Variants in PCGF3 observed in about 807,000 individuals in gnomAD.
PCGF3 encodes polycomb group RING finger protein 3.
In PCGF3, 7 loss-of-function variants were observed where a neutral mutation model predicts 33.1. The ratio of observed to expected loss-of-function variants is 0.21; its 90% confidence interval spans 0.12 to 0.40. PCGF3 has a LOEUF of 0.40. PCGF3 is among the 10% of genes least tolerant of loss of function. The pLI is 1.00. For missense variants in PCGF3, 211 were observed against 313.3 expected (o/e 0.67, Z 2.46); for synonymous variants, 153 against 121.3 (o/e 1.26, Z -1.72).
chr4:709,353 A>T (rs552970918), intron 1 of PCGF3, among the ~76,000 whole-genome samples: 47 of 152,096 alleles, frequency 3.1e-4, no homozygotes, highest in African/African-American at 1.1e-3. Context: ...ATGATGCATG[A>T]ACAAATGAAT....
chr4:742,838 G>T (rs12643640), intron 6 of PCGF3, among the ~76,000 whole-genome samples: 34,451 of 152,134 alleles, frequency 0.23, 4,561 homozygotes, highest in Admixed American at 0.34. Context: ...CAGGCAACGG[G>T]GTGCCAGAGC....
At position 766,085 on chromosome 4, in the gene PCGF3, G is replaced by A. The variant is rs200755246; in HGVS notation, c.*6G>A. On this transcript the variant is annotated 3_prime_UTR_variant, in exon 11 of 11. Transcript: ENST00000362003. ...CCAAGATGGACTTGCTGTGAATGGT[G>A]CCACACAGCGCCCACAGACTGGGCC... The A allele has an allele frequency of 1.1e-5, 17 of 1,613,202 alleles. No individual in the cohort carries two copies. In the South Asian group the frequency reaches 1.6e-4, roughly 16 times the overall value.
intron 6 of PCGF3, among the ~76,000 whole-genome samples, chr4:737,857 C>G (rs2152579497): frequency 6.6e-6 from 1 of 152,382 alleles, no homozygotes; most frequent in East Asian, 1.9e-4. Flanking sequence ...CCTGCCTCCC[C>G]TCATCCCACA....
intron 5 of PCGF3, among the ~76,000 whole-genome samples, chr4:735,952 G>C (rs139429587): frequency 1.3e-5 from 2 of 152,248 alleles, no homozygotes; most frequent in Non-Finnish European, 2.9e-5. Flanking sequence ...AATGCTCCCC[G>C]TACCATGAGG....
chr4:763,080 T>A lies in PCGF3; in HGVS notation c.600+1664T>A, dbSNP rs116903643. 7.9e-3 allele frequency among the ~76,000 whole-genome samples: 1,197 copies of A among 150,908 alleles called. 20 individuals are homozygous for A. Among genetic ancestry groups the A allele is most frequent in the East Asian group, 0.042 (214 of 5,120 alleles). Reference sequence around the variant, plus strand: ...CGGGGATACGGACAGCACACCGGGGTTGGGGAGACTCACTGAGCACGGGCT... The same window carrying A: ...CGGGGATACGGACAGCACACCGGGGATGGGGAGACTCACTGAGCACGGGCT... On this transcript the variant is annotated intron_variant, in intron 9 of 10. Coordinates refer to ENST00000362003, the Ensembl canonical transcript of PCGF3.
rs1743058605 is a variant in PCGF3, at chr4:721,096, G to T, written c.-189-9534G>T. Among the ~76,000 whole-genome samples, 1 of 152,070 alleles carries T rather than the reference G, an allele frequency of 6.6e-6. No homozygotes were observed. Among genetic ancestry groups the T allele is most frequent in the African/African-American group, 2.4e-5 (1 of 41,404 alleles). On this transcript the variant is annotated intron_variant, in intron 1 of 10. Coordinates refer to ENST00000362003, the Ensembl canonical transcript of PCGF3. This position sits in a 1 kb window ranked among gnomAD's most constrained non-coding sequence, Gnocchi z 4.1. ...CTGGGCTGGGCACCCATGAGGCTGA[G>T]GACCCTGGGGAGGGAACGCTGCTTG...
At chr4:758,406 G>A (rs1305272610) in intron 8 of PCGF3, among the ~76,000 whole-genome samples, 44 of 123,760 alleles carry the variant, frequency 3.6e-4, no homozygotes, top group Middle Eastern at 5.3e-3. Flanking sequence ...TCCGGACTCC[G>A]GGTCTTTCTC....
intron 1 of PCGF3, among the ~76,000 whole-genome samples, chr4:713,740 C>A (rs1252289203): frequency 7.2e-5 from 11 of 152,112 alleles, no homozygotes. Context: ...TCTGAGGCGG[C>A]ATGAGTATGA....
At chr4:718,781 C>A (rs1301250041) in intron 1 of PCGF3, among the ~76,000 whole-genome samples, 1 of 152,140 alleles carries the variant, frequency 6.6e-6, no homozygotes, top group Non-Finnish European at 1.5e-5. Context: ...GCTTTGTGGC[C>A]ACGGTAGGGG....
intron 6 of PCGF3, among the ~76,000 whole-genome samples, chr4:742,471 A>G (rs1361669274): frequency 6.6e-6 from 1 of 152,210 alleles, no homozygotes; most frequent in Non-Finnish European, 1.5e-5. Flanking sequence ...GTTACTTTTC[A>G]GAGTGATGTC....
chr4:740,423 T>C (rs1560208300), intron 6 of PCGF3, among the ~76,000 whole-genome samples: 2 of 152,252 alleles, frequency 1.3e-5, no homozygotes, highest in African/African-American at 4.8e-5. Context: ...GTTTAAAACA[T>C]TTATCAAAGT....
chr4:763,288 T>C (rs1745171119), intron 9 of PCGF3, among the ~76,000 whole-genome samples: 1 of 152,100 alleles, frequency 6.6e-6, no homozygotes, highest in Non-Finnish European at 1.5e-5. Flanking sequence ...TGTGGAGGTG[T>C]AGCGGGAAGC....
rs10007060 is a variant in PCGF3, at chr4:734,120, A to G, written c.109+331A>G. The G allele has an allele frequency of 1.1e-3, 1,701 of 1,550,606 alleles. 12 individuals carry two copies. In the African/African-American group the frequency reaches 0.021, roughly 19 times the overall value. ...CCAAATCTCCAGAGGAGTTCCTTAG[A>G]TCCTTCAAAGGGGAACCTTCCAGTG... is the stretch of plus-strand genomic sequence containing the variant. On this transcript the variant is annotated intron_variant, in intron 4 of 10. Coordinates refer to ENST00000362003, the Ensembl canonical transcript of PCGF3.
chr4:734,729 C>T lies in PCGF3; in HGVS notation c.110-202C>T, dbSNP rs1395985996. ...CTGCCTCTTTGAGGAAGCCCATTGA[C>T]GGGGCAATTAAAACCTTCTCATTGC... On this transcript the variant is annotated intron_variant, in intron 4 of 10. Coordinates refer to ENST00000362003, the Ensembl canonical transcript of PCGF3. The T allele has an allele frequency of 2.6e-5, 35 of 1,359,482 alleles. No homozygotes were observed. The East Asian group carries it at 3.1e-4, about 12-fold the overall frequency. The allele number at this position is 1,359,482 out of a possible 1,614,324, so 84.2% of individuals were successfully genotyped here. A position where few individuals can be genotyped will look rare whatever the true frequency, so the allele number is the denominator to read the frequency against.
In PCGF3 at chr4:737,447, C is replaced by T. The variant is rs1489699765; in HGVS notation, c.207-19C>T. 3 of 1,573,842 alleles carry T rather than the reference C, an allele frequency of 1.9e-6. No individual in the cohort carries two copies. The highest frequency in any genetic ancestry group is 2.2e-5 in the East Asian group (1 of 44,664). ...AATTAACATTTCCAGCTAACTCCAC[C>T]TTTCTGTTCTTTTGCCAGTCATGAC... On this transcript the variant is annotated intron_variant, in intron 5 of 10. Transcript: ENST00000362003.
intron 8 of PCGF3, among the ~76,000 whole-genome samples, chr4:749,998 G>C (rs933338779): frequency 1.3e-5 from 2 of 152,140 alleles, no homozygotes; most frequent in African/African-American, 4.8e-5. Context: ...GATGGATGGA[G>C]TCTTGCTGTG....
intron 1 of PCGF3, among the ~76,000 whole-genome samples, chr4:717,819 G>A (rs1159489248): frequency 6.6e-6 from 1 of 152,280 alleles, no homozygotes; most frequent in Non-Finnish European, 1.5e-5. Context: ...CGGTGATTGA[G>A]GAGTCCACGC....
chr4:730,051 CCTGT>C (rs1238777066), intron 1 of PCGF3, among the ~76,000 whole-genome samples: 2 of 152,228 alleles, frequency 1.3e-5, no homozygotes, highest in Admixed American at 1.3e-4. Flanking sequence ...CCCCTCCCTC[CCTGT>C]CTGAGGCCCC....
rs769397356 is a variant in PCGF3, at chr4:766,040, G to A, written c.690G>A (p.Pro230=). The change falls in exon 11 of 11, where the codon CCG becomes CCA. Residue 230 remains proline, a synonymous_variant. Coordinates refer to ENST00000362003, the Ensembl canonical transcript of PCGF3. ...GTTCTTGTGTCTTCCAGAAGGCGCC[G>A]CTCCTGCTGCACTACAGACCCAAGA... The A allele has an allele frequency of 5.5e-5, 88 of 1,613,908 alleles. 1 individual carries two copies. The South Asian group carries it at 5.6e-4, about 10-fold the overall frequency.
Sources: gnomAD v4.1 joint callset for allele counts (sites outside exome capture counted in the v4.1 genomes callset) on GRCh38, gnomAD v4.1.1 for gene constraint, Gnocchi (gnomAD v3.1) non-coding constraint, MANE v1.5 for transcripts, NCBI Gene and HGNC (gene_info 2026-07-23, HGNC 2026-07-21) for gene names.